KLLN: variants seen among roughly 807,000 people sequenced by gnomAD.
KLLN encodes the protein killin, p53 regulated DNA replication inhibitor.
For synonymous variants in KLLN, 142 were observed against 102.2 expected (o/e 1.39, Z -2.35); for missense variants, 340 against 241.3 (o/e 1.41, Z -2.71).
rs1564797707 is a variant in KLLN at position 87,859,193 on chromosome 10, G to T, written c.*2758C>A. 1 of 152,114 alleles carries T rather than the reference G, an allele frequency of 6.6e-6. No homozygotes were observed. The highest frequency in any genetic ancestry group is 1.9e-4 in the East Asian group (1 of 5,192). The allele number at this position is 152,114 out of a possible 1,614,324, so 9.4% of individuals were successfully genotyped here. On this transcript the variant is annotated 3_prime_UTR_variant, in exon 1 of 1. Transcript: ENST00000445946. ...TGTCTTAAAATTATCTTTATTGAAA[G>T]AACAATAATGTTTGTTATTAGGATA...
rs1205703859 is a variant in KLLN, at chr10:87,862,033, G to C, written c.455C>G (p.Pro152Arg). 12 of 1,486,670 alleles carry C rather than the reference G, an allele frequency of 8.1e-6. No homozygotes were observed. Among genetic ancestry groups the C allele is most frequent in the Middle Eastern group, 1.8e-4 (1 of 5,626 alleles). 92.1% of individuals were successfully genotyped at this position (1,486,670 alleles called of 1,614,324 possible). A position where few individuals can be genotyped will look rare whatever the true frequency, so the allele number is the denominator to read the frequency against. ...CPRLPACWLPPILTERGERVP... is the reference protein window; with the variant it reads ...CPRLPACWLPRILTERGERVP... ...TCTCTCCCCGCGTTCTGTAAGAATCGGCGGCAGCCAGCAGGCGGGGAGGCG... is the reference window on the plus strand; with the variant it reads ...TCTCTCCCCGCGTTCTGTAAGAATCCGCGGCAGCCAGCAGGCGGGGAGGCG... The change falls in exon 1 of 1, where the codon CCG (proline) becomes CGG (arginine). Residue 152 changes from proline to arginine, a missense_variant. Pro to Arg is a moderately radical substitution (Grantham distance 103). Coordinates refer to ENST00000445946, the MANE Select transcript of KLLN (RefSeq NM_001126049.2).
chr10:87,862,237 C>T lies in KLLN; in HGVS notation c.251G>A (p.Gly84Glu), dbSNP rs1041864282. Residue 84 changes from glycine (G) to glutamate (E), a missense_variant, in exon 1 of 1, where the codon GGA (glycine) becomes GAA (glutamate). Coordinates refer to ENST00000445946, the MANE Select transcript of KLLN (RefSeq NM_001126049.2). Reference protein sequence around the residue: ...SKFPLPSDSSGGKSSSSFARG... With the variant: ...SKFPLPSDSSEGKSSSSFARG... ...AGCAAAGGAAGAAGACGACTTGCCTCCGGAGCTATCACTGGGGAGTGGGAA... is the reference window on the plus strand; with the variant it reads ...AGCAAAGGAAGAAGACGACTTGCCTTCGGAGCTATCACTGGGGAGTGGGAA... 3 of 1,551,734 alleles carry T rather than the reference C, an allele frequency of 1.9e-6. No homozygotes were observed. Among genetic ancestry groups the T allele is most frequent in the Non-Finnish European group, 2.6e-6 (3 of 1,147,006 alleles).
rs538728843 is a variant in KLLN at position 87,863,385 on chromosome 10, C to T, written c.-898G>A. 1,393 of 350,268 alleles carry T rather than the reference C, an allele frequency of 4.0e-3. 11 individuals are homozygous for T. The highest frequency in any genetic ancestry group is 0.02 in the South Asian group (132 of 6,560). 21.7% of individuals were successfully genotyped at this position (350,268 alleles called of 1,614,324 possible). A position where few individuals can be genotyped will look rare whatever the true frequency, so the allele number is the denominator to read the frequency against. ...GCCTGCGGCTTGGGGACTCTGCGCT[C>T]GCACCCAGAGCTACCGCTCTGCCCC... is the stretch of plus-strand genomic sequence containing the variant. On this transcript the variant is annotated 5_prime_UTR_variant, in exon 1 of 1. Transcript: ENST00000445946.
chr10:87,861,878 C>A lies in KLLN; in HGVS notation c.*73G>T. On this transcript the variant is annotated 3_prime_UTR_variant, in exon 1 of 1. Coordinates refer to ENST00000445946, the MANE Select transcript of KLLN (RefSeq NM_001126049.2). ...CGATGGAGAGGCCCGAGAGCCCTAGCGCCCAGCTCCTTTTCCCACGTTTGG... is the reference window on the plus strand; with the variant it reads ...CGATGGAGAGGCCCGAGAGCCCTAGAGCCCAGCTCCTTTTCCCACGTTTGG... 1.4e-5 allele frequency: 19 copies of A among 1,391,472 alleles called. No individual in the cohort carries two copies. The highest frequency in any genetic ancestry group is 2.5e-5 in the East Asian group (1 of 39,534). 86.2% of individuals were successfully genotyped at this position (1,391,472 alleles called of 1,614,324 possible). A position where few individuals can be genotyped will look rare whatever the true frequency, so the allele number is the denominator to read the frequency against.
In KLLN at chr10:87,859,633, A is replaced by T. The variant is rs1047769480; in HGVS notation, c.*2318T>A. 6.6e-6 allele frequency: 1 copy of T among 152,204 alleles called. No individual in the cohort carries two copies. Among genetic ancestry groups the T allele is most frequent in the Non-Finnish European group, 1.5e-5 (1 of 68,034 alleles). The allele number at this position is 152,204 out of a possible 1,614,324, so 9.4% of individuals were successfully genotyped here. A position where few individuals can be genotyped will look rare whatever the true frequency, so the allele number is the denominator to read the frequency against. ...TTAAAGCTAGTTTACCATGCTTACT[A>T]ATCAATCTACATAGTCACCCTGAAG... is the stretch of plus-strand genomic sequence containing the variant. On this transcript the variant is annotated 3_prime_UTR_variant, in exon 1 of 1. Transcript: ENST00000445946.
Position 87,862,170 on chromosome 10 carries a change from A to G in KLLN, c.318T>C (p.Pro106=), listed in dbSNP as rs907704295. Residue 106 remains proline (P), a synonymous_variant, in exon 1 of 1, where the codon CCT becomes CCC. Coordinates refer to ENST00000445946, the MANE Select transcript of KLLN (RefSeq NM_001126049.2). ...CCCCTGTTTCCGCCGCGGCGCAGGAAGGGTTGGGGTTCCGCTGCCTGCACC... is the reference window on the plus strand; with the variant it reads ...CCCCTGTTTCCGCCGCGGCGCAGGAGGGGTTGGGGTTCCGCTGCCTGCACC... ...LAWCRQRNPN[P]SCAAAETGAR... is the part of the protein sequence containing the mutation. 3 of 1,551,338 alleles carry G rather than the reference A, an allele frequency of 1.9e-6. No homozygotes were observed. Among genetic ancestry groups the G allele is most frequent in the Non-Finnish European group, 2.6e-6 (3 of 1,146,884 alleles).
chr10:87,862,858 C>G lies in KLLN; in HGVS notation c.-371G>C. The G allele has an allele frequency of 6.3e-6, 2 of 315,220 alleles. No individual in the cohort carries two copies. Among genetic ancestry groups the G allele is most frequent in the Non-Finnish European group, 6.3e-6 (1 of 157,536 alleles). 19.5% of individuals were successfully genotyped at this position (315,220 alleles called of 1,614,324 possible). On this transcript the variant is annotated 5_prime_UTR_variant, in exon 1 of 1. Transcript: ENST00000445946. ...GCTGGCGACACAATAGCAGGTTGCT[C>G]TTTGTGCTAAGACTGACACCATGAG...
Position 87,861,411 on chromosome 10 carries a change from A to G in KLLN, c.*540T>C, listed in dbSNP as rs1433633785. 1.3e-5 allele frequency: 2 copies of G among 152,760 alleles called. No individual in the cohort carries two copies. Among genetic ancestry groups the G allele is most frequent in the Non-Finnish European group, 2.9e-5 (2 of 68,452 alleles). 9.5% of individuals were successfully genotyped at this position (152,760 alleles called of 1,614,324 possible). A position where few individuals can be genotyped will look rare whatever the true frequency, so the allele number is the denominator to read the frequency against. On this transcript the variant is annotated 3_prime_UTR_variant, in exon 1 of 1. Transcript: ENST00000445946. The stretch of plus-strand genomic sequence containing the variant: ...AGTGCTTCAACCTAGGTCTCGTTAG[A>G]TATTTTTTGACTCAAATTGTCGTCT...
rs1858232710 is a variant in KLLN, at chr10:87,860,042, A to C, written c.*1909T>G. Reference sequence around the variant, plus strand: ...AAAAAAAAAAAAAAAAAAGAAAAAAAAAAAAAGAACTGAAGTGCTTGGAGA... The same window carrying C: ...AAAAAAAAAAAAAAAAAAGAAAAAACAAAAAAGAACTGAAGTGCTTGGAGA... On this transcript the variant is annotated 3_prime_UTR_variant, in exon 1 of 1. Coordinates refer to ENST00000445946, the MANE Select transcript of KLLN (RefSeq NM_001126049.2). The C allele has an allele frequency of 1.3e-5, 2 of 151,544 alleles. No homozygotes were observed. The highest frequency in any genetic ancestry group is 6.6e-5 in the Admixed American group (1 of 15,216). 9.4% of individuals were successfully genotyped at this position (151,544 alleles called of 1,614,324 possible).
rs543780235 is a variant in KLLN, at chr10:87,862,551, G to A, written c.-64C>T. The A allele has an allele frequency of 2.8e-5, 39 of 1,415,292 alleles. No individual in the cohort carries two copies. The African/African-American group carries it at 3.6e-4, about 13-fold the overall frequency. The allele number at this position is 1,415,292 out of a possible 1,614,324, so 87.7% of individuals were successfully genotyped here. ...TAGGTGGTCTCTGAGAACCGAGCTT[G>A]ACTCCGACGCCGCGAACCGACCTGG... On this transcript the variant is annotated 5_prime_UTR_variant, in exon 1 of 1. Coordinates refer to ENST00000445946, the MANE Select transcript of KLLN (RefSeq NM_001126049.2).
Position 87,861,776 on chromosome 10 carries a change from T to C in KLLN, c.*175A>G. 1 of 559,572 alleles carries C rather than the reference T, an allele frequency of 1.8e-6. No homozygotes were observed. The highest frequency in any genetic ancestry group is 3.0e-6 in the Non-Finnish European group (1 of 331,790). The allele number at this position is 559,572 out of a possible 1,614,324, so 34.7% of individuals were successfully genotyped here. On this transcript the variant is annotated 3_prime_UTR_variant, in exon 1 of 1. Transcript: ENST00000445946. ...GGACGTTTGTTGCAACATCGGAGAA[T>C]GCACGCTCTGGGCTGCAGCAGGAGA...
Position 87,859,297 on chromosome 10 carries a change from C to T in KLLN, c.*2654G>A, listed in dbSNP as rs1429460540. The T allele has an allele frequency of 1.3e-5, 2 of 152,092 alleles. No individual in the cohort carries two copies. Among genetic ancestry groups the T allele is most frequent in the African/African-American group, 2.4e-5 (1 of 41,378 alleles). 9.4% of individuals were successfully genotyped at this position (152,092 alleles called of 1,614,324 possible). A position where few individuals can be genotyped will look rare whatever the true frequency, so the allele number is the denominator to read the frequency against. On this transcript the variant is annotated 3_prime_UTR_variant, in exon 1 of 1. Transcript: ENST00000445946. ...CCAATGATTATTATGTTTTTATATT[C>T]TGTATTATTTAGAAAACAGTAGTTA... is the stretch of plus-strand genomic sequence containing the variant.
chr10:87,861,994 A>T lies in KLLN; in HGVS notation c.494T>A (p.Val165Glu), dbSNP rs1163858525. 1 of 1,469,120 alleles carries T rather than the reference A, an allele frequency of 6.8e-7. No individual in the cohort carries two copies. The highest frequency in any genetic ancestry group is 2.5e-5 in the East Asian group (1 of 40,364). The allele number at this position is 1,469,120 out of a possible 1,614,324, so 91.0% of individuals were successfully genotyped here. ...CTTAGGGTAGCAGGCGAGGAGTGGC[A>T]CCAGTTTGGGGACTCTCTCCCCGCG... Reference protein sequence around the residue: ...TERGERVPKLVPLLACYPKSK... With the variant: ...TERGERVPKLEPLLACYPKSK... The change falls in exon 1 of 1, where the codon GTG becomes GAG. Residue 165 changes from valine (V) to glutamate (E), a missense_variant. Val to Glu is a moderately radical substitution (Grantham distance 121, BLOSUM62 -2). Transcript: ENST00000445946.
chr10:87,861,947 G>A lies in KLLN; in HGVS notation c.*4C>T. The A allele has an allele frequency of 2.1e-6, 3 of 1,455,896 alleles. No homozygotes were observed. Among genetic ancestry groups the A allele is most frequent in the Non-Finnish European group, 2.7e-6 (3 of 1,102,084 alleles). 90.2% of individuals were successfully genotyped at this position (1,455,896 alleles called of 1,614,324 possible). On this transcript the variant is annotated 3_prime_UTR_variant, in exon 1 of 1. Coordinates refer to ENST00000445946, the MANE Select transcript of KLLN (RefSeq NM_001126049.2). ...GATGTAGAGCAAGGAGTGAGTCTCA[G>A]GTCTCAGTCCTTTGGCTTGCTCTTA...
In KLLN at chr10:87,861,325, T is replaced by G. The variant is rs990036632; in HGVS notation, c.*626A>C. 6 of 152,268 alleles carry G rather than the reference T, an allele frequency of 3.9e-5. No individual in the cohort carries two copies. Among genetic ancestry groups the G allele is most frequent in the African/African-American group, 1.4e-4 (6 of 41,450 alleles). 9.4% of individuals were successfully genotyped at this position (152,268 alleles called of 1,614,324 possible). A position where few individuals can be genotyped will look rare whatever the true frequency, so the allele number is the denominator to read the frequency against. ...CCCTCTTTAGACTTTGCTAGGCACTTACAATTATTGAACACACATGCAGAT... is the reference window on the plus strand; with the variant it reads ...CCCTCTTTAGACTTTGCTAGGCACTGACAATTATTGAACACACATGCAGAT... On this transcript the variant is annotated 3_prime_UTR_variant, in exon 1 of 1. Coordinates refer to ENST00000445946, the MANE Select transcript of KLLN (RefSeq NM_001126049.2).
chr10:87,862,419 C>T lies in KLLN; in HGVS notation c.69G>A (p.Glu23=), dbSNP rs891295770. 1.3e-6 allele frequency: 2 copies of T among 1,551,566 alleles called. No individual in the cohort carries two copies. Among genetic ancestry groups the T allele is most frequent in the Admixed American group, 3.9e-5 (2 of 50,988 alleles). ...RTVHVWGYRV[E]WKVRNGRKLQ... ...GCTTCCTACCGTTCCGTACTTTCCACTCAACCCGGTAACCCCAAACGTGCA... is the reference window on the plus strand; with the variant it reads ...GCTTCCTACCGTTCCGTACTTTCCATTCAACCCGGTAACCCCAAACGTGCA... Residue 23 remains glutamate, a synonymous_variant, in exon 1 of 1, where the codon GAG becomes GAA. Transcript: ENST00000445946.
rs1407503099 is a variant in KLLN at position 87,862,196 on chromosome 10, A to G, written c.292T>C (p.Trp98Arg). Residue 98 changes from tryptophan (W) to arginine (R), a missense_variant, in exon 1 of 1, where the codon TGG becomes CGG. Transcript: ENST00000445946. ...GGGTTGGGGTTCCGCTGCCTGCACC[A>G]GGCAAGAGCACCCCGAGCAAAGGAA... is the stretch of plus-strand genomic sequence containing the variant. ...SSSFARGALAWCRQRNPNPSC... is the reference protein window; with the variant it reads ...SSSFARGALARCRQRNPNPSC... 1.9e-6 allele frequency: 3 copies of G among 1,551,644 alleles called. No individual in the cohort carries two copies. The highest frequency in any genetic ancestry group is 2.6e-6 in the Non-Finnish European group (3 of 1,146,984).
In KLLN at chr10:87,862,906, G is replaced by A. The variant is rs1167019438; in HGVS notation, c.-419C>T. The A allele has an allele frequency of 1.4e-5, 3 of 217,456 alleles. No homozygotes were observed. The highest frequency in any genetic ancestry group is 6.9e-5 in the African/African-American group (3 of 43,386). The allele number at this position is 217,456 out of a possible 1,614,324, so 13.5% of individuals were successfully genotyped here. A position where few individuals can be genotyped will look rare whatever the true frequency, so the allele number is the denominator to read the frequency against. ...GAGGACACAGATTTGGGGGAAGGGG[G>A]AATCTCTAGGCAAAGGCTGTTACAG... On this transcript the variant is annotated 5_prime_UTR_variant, in exon 1 of 1. Transcript: ENST00000445946.
chr10:87,861,992 G>T lies in KLLN; in HGVS notation c.496C>A (p.Pro166Thr). The T allele has an allele frequency of 6.8e-7, 1 of 1,468,302 alleles. No individual in the cohort carries two copies. Among genetic ancestry groups the T allele is most frequent in the Non-Finnish European group, 9.0e-7 (1 of 1,109,102 alleles). 91.0% of individuals were successfully genotyped at this position (1,468,302 alleles called of 1,614,324 possible). A position where few individuals can be genotyped will look rare whatever the true frequency, so the allele number is the denominator to read the frequency against. ...CTCTTAGGGTAGCAGGCGAGGAGTG[G>T]CACCAGTTTGGGGACTCTCTCCCCG... ...ERGERVPKLV[P>T]LLACYPKSKP... Residue 166 changes from proline (P) to threonine (T), a missense_variant, in exon 1 of 1, where the codon CCA becomes ACA. Pro to Thr is a conservative substitution (Grantham distance 38). Coordinates refer to ENST00000445946, the MANE Select transcript of KLLN (RefSeq NM_001126049.2).
Sources: gnomAD v4.1 joint callset for allele counts on GRCh38, gnomAD v4.1.1 for gene constraint, MANE v1.5 for transcripts, NCBI Gene and HGNC (gene_info 2026-07-23, HGNC 2026-07-21) for gene names.